The following ATP8B1 variants were observed in gnomAD, a reference collection of about 807,000 sequenced individuals.
ATP8B1 encodes the protein phospholipid-transporting ATPase IC.
In ATP8B1, 80 loss-of-function variants were observed where a neutral mutation model predicts 149.9. The ratio of observed to expected loss-of-function variants is 0.53; its 90% CI spans 0.45 to 0.64. The LOEUF is 0.64. ATP8B1 is among the 30% of genes least tolerant of loss of function. The pLI is 0.00. For missense variants in ATP8B1, 1,247 were observed against 1,552.6 expected, an observed-to-expected ratio of 0.80 and a Z score of 3.31; for synonymous variants, 536 against 562.8, an observed-to-expected ratio of 0.95 and a Z score of 0.67.
intron 15 of ATP8B1, among the ~76,000 whole-genome samples, chr18:57,676,150 T>TTTTC (rs750143543): frequency 3.3e-5 from 5 of 152,186 alleles, no homozygotes; most frequent in African/African-American, 9.6e-5. Context: ...AAAAAGTATG[T>TTTTC]TTTCTTTCTT....
intron 25 of ATP8B1, 133 bp from the exon 26 acceptor site, chr18:57,652,305 C>T (rs1909673388): frequency 6.9e-7 from 1 of 1,442,966 alleles, no homozygotes; most frequent in African/African-American, 1.4e-5. Context: ...AGAAACTAAA[C>T]CATCCTTGAC....
At chr18:57,795,236 C>T (rs931418174) in intron 1 of ATP8B1, among the ~76,000 whole-genome samples, 2 of 139,022 alleles carry the variant, frequency 1.4e-5, no homozygotes, top group East Asian at 5.0e-4. Flanking sequence ...CACACACACA[C>T]ATTTTTTTTT....
intron 1 of ATP8B1, among the ~76,000 whole-genome samples, chr18:57,746,231 G>A (rs1568051730): frequency 6.6e-6 from 1 of 152,124 alleles, no homozygotes; most frequent in Non-Finnish European, 1.5e-5. Flanking sequence ...AAACACTGCT[G>A]AGCAATTGCT....
At chr18:57,687,612 C>A (rs1912316276) in intron 13 of ATP8B1, among the ~76,000 whole-genome samples, 1 of 152,116 alleles carries the variant, frequency 6.6e-6, no homozygotes. Context: ...TTTATCCATT[C>A]ATCCATTGAT....
chr18:57,772,797 G>C (rs951745211), intron 1 of ATP8B1, among the ~76,000 whole-genome samples: 3 of 152,126 alleles, frequency 2.0e-5, no homozygotes, highest in Non-Finnish European at 2.9e-5. Flanking sequence ...GAGCAGGGAA[G>C]GGGGCCTAGG....
chr18:57,747,706 A>G (rs1263821325), intron 1 of ATP8B1, among the ~76,000 whole-genome samples: 1 of 152,210 alleles, frequency 6.6e-6, no homozygotes, highest in Non-Finnish European at 1.5e-5. Context: ...TCTAGATACT[A>G]TCATGGTTTC....
intron 2 of ATP8B1, among the ~76,000 whole-genome samples, chr18:57,724,281 A>G (rs1447323552): frequency 6.8e-6 from 1 of 146,472 alleles, no homozygotes; most frequent in African/African-American, 2.5e-5. Context: ...GCTTCTGCAC[A>G]GCAAAAGAAA....
rs1044522696 is a variant in ATP8B1, at chr18:57,784,425, C to T, written c.-26+18573G>A. ...AGAGGGAGGATGACAGCTTGAACCTCGCGGATGGCAGCGGAGATAGAGGTT... is the reference window on the plus strand; with the variant it reads ...AGAGGGAGGATGACAGCTTGAACCTTGCGGATGGCAGCGGAGATAGAGGTT... On this transcript the variant is annotated intron_variant, in intron 1 of 27. Transcript: ENST00000648908. This position sits in a 1 kb window ranked among gnomAD's most constrained non-coding sequence, Gnocchi z 4.4. 3.3e-5 allele frequency among the ~76,000 whole-genome samples: 5 copies of T among 152,098 alleles called. No individual in the cohort carries two copies. The highest frequency in any genetic ancestry group is 5.9e-5 in the Non-Finnish European group (4 of 68,026).
chr18:57,756,772 G>C (rs2080089344), intron 1 of ATP8B1, among the ~76,000 whole-genome samples: 1 of 152,162 alleles, frequency 6.6e-6, no homozygotes, highest in South Asian at 2.1e-4. Context: ...AGGTGATGCT[G>C]CGTCCTTTCA....
intron 22 of ATP8B1, 99 bp from the exon 23 acceptor site, chr18:57,655,516 C>G (rs1909940034): frequency 7.4e-6 from 8 of 1,076,332 alleles, no homozygotes; most frequent in Non-Finnish European, 9.9e-6. Context: ...AAAACAAAGA[C>G]AGACATTGAT....
chr18:57,735,052 A>G (rs2079833294), intron 1 of ATP8B1: 1 of 152,276 alleles, frequency 6.6e-6, no homozygotes, highest in Non-Finnish European at 1.5e-5. Context: ...ATCGGGATAT[A>G]AACCCAGGCA....
chr18:57,680,457 T>C (rs559845901), intron 15 of ATP8B1, among the ~76,000 whole-genome samples: 5 of 146,530 alleles, frequency 3.4e-5, no homozygotes, highest in African/African-American at 1.3e-4. Context: ...TGGTGGGGCA[T>C]GCCTGTAATC....
intron 22 of ATP8B1, among the ~76,000 whole-genome samples, chr18:57,658,665 GTGTTC>G (rs1386285200): frequency 5.6e-5 from 8 of 142,110 alleles, no homozygotes; most frequent in Non-Finnish European, 1.2e-4. Context: ...GTGTGTGTGT[GTGTTC>G]TTTTTTGTTG....
intron 1 of ATP8B1, among the ~76,000 whole-genome samples, chr18:57,797,816 C>T (rs1272631448): frequency 6.7e-6 from 1 of 149,814 alleles, no homozygotes; most frequent in Non-Finnish European, 1.5e-5. Context: ...AAGCAATTCT[C>T]CTGCCTCAGC....
intron 1 of ATP8B1, among the ~76,000 whole-genome samples, chr18:57,801,026 T>C (rs1423593874): frequency 6.6e-6 from 1 of 152,196 alleles, no homozygotes; most frequent in Non-Finnish European, 1.5e-5. Flanking sequence ...CTGTACCACA[T>C]TATTATTTTT....
At chr18:57,668,357 T>C in intron 19 of ATP8B1, 72 bp downstream of exon 19, 1 of 1,434,194 alleles carries the variant, frequency 7.0e-7, no homozygotes, top group Non-Finnish European at 9.8e-7. Context: ...GAGGAGGTCA[T>C]CTTGGGCAAA....
intron 14 of ATP8B1, among the ~76,000 whole-genome samples, chr18:57,684,512 C>T (rs890151425): frequency 1.3e-5 from 2 of 152,062 alleles, no homozygotes; most frequent in Admixed American, 6.6e-5. Flanking sequence ...TACGGGCATG[C>T]ACCACCATAC....
At position 57,802,184 on chromosome 18, in the gene ATP8B1, G is replaced by T. The variant is rs1196715535; in HGVS notation, c.-26+814C>A. ...GAAGGAGGGAGTTGGAGAAGTGGGG[G>T]CGAGGGGTGTTAAAGCACTGGGCCA... is the stretch of plus-strand genomic sequence containing the variant. On this transcript the variant is annotated intron_variant, in intron 1 of 27. Transcript: ENST00000648908. This position sits in a 1 kb window ranked among gnomAD's most constrained non-coding sequence, Gnocchi z 4.9. Among the ~76,000 whole-genome samples the T allele has an allele frequency of 6.6e-6, 1 of 152,080 alleles. No individual in the cohort carries two copies. Among genetic ancestry groups the T allele is most frequent in the East Asian group, 1.9e-4 (1 of 5,174 alleles).
At chr18:57,718,853 T>C (rs2079610124) in intron 2 of ATP8B1, among the ~76,000 whole-genome samples, 1 of 152,086 alleles carries the variant, frequency 6.6e-6, no homozygotes, top group Non-Finnish European at 1.5e-5. Context: ...CTCAAAAAAC[T>C]GGGTACAGAA....
Sources: gnomAD v4.1 joint callset for allele counts (sites outside exome capture counted in the v4.1 genomes callset) on GRCh38, gnomAD v4.1.1 for gene constraint, Gnocchi (gnomAD v3.1) non-coding constraint, MANE v1.5 for transcripts, NCBI Gene and HGNC (gene_info 2026-07-23, HGNC 2026-07-21) for gene names.